PTPRM: variants seen among roughly 807,000 people sequenced by gnomAD.
The protein encoded by PTPRM is protein tyrosine phosphatase receptor type M, also known as receptor-type tyrosine-protein phosphatase mu.
In PTPRM, 47 loss-of-function variants were observed where a neutral mutation model predicts 186.7. The ratio of observed to expected loss-of-function variants is 0.25; its 90% CI spans 0.20 to 0.32. PTPRM has a LOEUF of 0.32. Ranked by LOEUF, PTPRM falls within the 10% of genes least tolerant of loss-of-function variation. The probability of loss-of-function intolerance (pLI) is 1.00; values close to 1 mark genes in which losing one functional copy is unlikely to be tolerated. For missense variants in PTPRM, 1,494 were observed against 1,865.0 expected (o/e 0.80, Z 3.66); for synonymous variants, 668 against 674.9 (o/e 0.99, Z 0.16).
intron 19 of PTPRM, among the ~76,000 whole-genome samples, chr18:8,262,195 A>G (rs1437885100): frequency 1.2e-4 from 18 of 151,852 alleles, no homozygotes. Flanking sequence ...CCCCTCCCCT[A>G]GGGCCTGCCC....
In PTPRM at chr18:7,898,801, A is replaced by G. The variant is rs532977410; in HGVS notation, c.469-7704A>G. 3.9e-5 allele frequency among the ~76,000 whole-genome samples: 6 copies of G among 152,342 alleles called. No homozygotes were observed. In the South Asian group the frequency reaches 6.2e-4, roughly 16 times the overall value. On this transcript the variant is annotated intron_variant, in intron 3 of 32. Transcript: ENST00000580170. The stretch of plus-strand genomic sequence containing the variant: ...GAAATGGAGACTCAGAGTGAACCAC[A>G]TCACATGAATAGAGTTGATTCTCGA...
At chr18:8,084,705 A>G (rs968635342) in intron 9 of PTPRM, among the ~76,000 whole-genome samples, 2 of 152,312 alleles carry the variant, frequency 1.3e-5, no homozygotes, top group Non-Finnish European at 2.9e-5. Flanking sequence ...CAGTTTTGCA[A>G]TTTAAAACTT....
In PTPRM at chr18:7,949,255, T is replaced by C. The variant is rs778472653; in HGVS notation, c.738T>C (p.Asn246=). The C allele has an allele frequency of 1.9e-6, 3 of 1,613,154 alleles. No homozygotes were observed. Among genetic ancestry groups the C allele is most frequent in the East Asian group, 2.2e-5 (1 of 44,882 alleles). The change falls in exon 6 of 33, where the codon AAT becomes AAC. Residue 246 remains asparagine, a synonymous_variant. Transcript: ENST00000580170. ...TSSRRFIASF[N]VVNTTKRDAG... ...CCCGACGCTTCATTGCTTCATTTAA[T>C]GTTGTGAATACCACCAAACGAGATG...
chr18:8,036,637 A>C (rs1057279711), intron 7 of PTPRM, among the ~76,000 whole-genome samples: 2 of 152,202 alleles, frequency 1.3e-5, no homozygotes, highest in Middle Eastern at 3.2e-3. Flanking sequence ...ATTAAAAGTT[A>C]TGCTTTCTCA....
intron 2 of PTPRM, among the ~76,000 whole-genome samples, chr18:7,857,140 A>T (rs1223473701): frequency 6.6e-6 from 1 of 152,088 alleles, no homozygotes; most frequent in African/African-American, 2.4e-5. Flanking sequence ...AAATCAGTAG[A>T]TGGTCTCTGA....
intron 2 of PTPRM, among the ~76,000 whole-genome samples, chr18:7,844,545 G>A (rs2046500074): frequency 6.6e-6 from 1 of 152,158 alleles, no homozygotes; most frequent in Admixed American, 6.5e-5. Context: ...TTCAGGAAGG[G>A]TGGAAACAGA....
intron 7 of PTPRM, among the ~76,000 whole-genome samples, chr18:7,983,028 T>G (rs2082641971): frequency 6.6e-6 from 1 of 152,116 alleles, no homozygotes; most frequent in South Asian, 2.1e-4. Context: ...CATGTCTTTT[T>G]AGTGCTGTTC....
intron 7 of PTPRM, among the ~76,000 whole-genome samples, chr18:8,041,644 C>T (rs2086698776): frequency 6.6e-6 from 1 of 152,146 alleles, no homozygotes; most frequent in Admixed American, 6.6e-5. Context: ...GATTCAAAGT[C>T]CCCACAGTAG....
At chr18:7,850,583 G>A (rs1435726599) in intron 2 of PTPRM, among the ~76,000 whole-genome samples, 1 of 152,192 alleles carries the variant, frequency 6.6e-6, no homozygotes, top group South Asian at 2.1e-4. Context: ...AGGAGCTCTG[G>A]AAAATAGCTC....
chr18:8,271,238 A>C (rs1035122504), intron 19 of PTPRM, among the ~76,000 whole-genome samples: 3 of 151,932 alleles, frequency 2.0e-5, no homozygotes, highest in African/African-American at 7.2e-5. Context: ...CCTTTTTAGC[A>C]TTTTTTGAGA....
chr18:8,206,232 C>T (rs2093926429), intron 14 of PTPRM, among the ~76,000 whole-genome samples: 1 of 122,294 alleles, frequency 8.2e-6, no homozygotes, highest in Admixed American at 8.9e-5. Flanking sequence ...CACAAAAAGA[C>T]TTTATCAAGG....
Position 7,691,136 on chromosome 18 carries a change from C to G in PTPRM, c.74-83013C>G, listed in dbSNP as rs533527669. 1.1e-4 allele frequency among the ~76,000 whole-genome samples: 17 copies of G among 151,556 alleles called. No individual in the cohort carries two copies. In the South Asian group the frequency reaches 3.6e-3, roughly 32 times the overall value. On this transcript the variant is annotated intron_variant, in intron 1 of 32. Coordinates refer to ENST00000580170, the MANE Select transcript of PTPRM (RefSeq NM_001105244.2). ...TTTTATTTTTTTTTATTTTTAAGAC[C>G]TTGCATTATTCTAACCAACTTCTTT... is the stretch of plus-strand genomic sequence containing the variant.
At chr18:8,395,210 T>A (rs1401117930) in intron 32 of PTPRM, among the ~76,000 whole-genome samples, 1 of 151,368 alleles carries the variant, frequency 6.6e-6, no homozygotes, top group Non-Finnish European at 1.5e-5. Context: ...GCTTTTAGAT[T>A]AGGTTTTTGC....
intron 20 of PTPRM, among the ~76,000 whole-genome samples, chr18:8,312,420 G>T (rs1480352820): frequency 6.6e-6 from 1 of 152,140 alleles, no homozygotes; most frequent in East Asian, 1.9e-4. Flanking sequence ...GACTGCCGGT[G>T]AGTCTGTTCC....
intron 1 of PTPRM, among the ~76,000 whole-genome samples, chr18:7,600,614 G>A (rs2037377414): frequency 6.6e-6 from 1 of 152,088 alleles, no homozygotes; most frequent in African/African-American, 2.4e-5. Context: ...GTCTCTACCC[G>A]CTCCCCTCCC....
chr18:8,401,732 C>T (rs1438087760), intron 32 of PTPRM, among the ~76,000 whole-genome samples: 2 of 152,256 alleles, frequency 1.3e-5, no homozygotes, highest in Non-Finnish European at 2.9e-5. Context: ...CCCCCAGTGC[C>T]GCCCGCTGGT....
chr18:8,031,986 G>A (rs1158613002), intron 7 of PTPRM, among the ~76,000 whole-genome samples: 2 of 152,146 alleles, frequency 1.3e-5, no homozygotes, highest in African/African-American at 4.8e-5. Flanking sequence ...CAGTATTAGG[G>A]AACTATTTGT....
At chr18:7,837,022 T>C (rs980049562) in intron 2 of PTPRM, among the ~76,000 whole-genome samples, 1 of 152,194 alleles carries the variant, frequency 6.6e-6, no homozygotes, top group Non-Finnish European at 1.5e-5. Flanking sequence ...GATAGTGATA[T>C]CTTTCTCTAA....
rs140854853 is a variant in PTPRM at position 8,262,096 on chromosome 18, A to T, written c.2754+8682A>T. On this transcript the variant is annotated intron_variant, in intron 19 of 32. Coordinates refer to ENST00000580170, the MANE Select transcript of PTPRM (RefSeq NM_001105244.2). ...TCAAACTAGATATTTCACGGTTGCC[A>T]TTGCCCCTGCCGCTCCCTCATTTCC... Among the ~76,000 whole-genome samples, 390 of 152,048 alleles carry T rather than the reference A, an allele frequency of 2.6e-3. 1 individual carries two copies. The highest frequency in any genetic ancestry group is 7.9e-3 in the African/African-American group (328 of 41,496).
Sources: gnomAD v4.1 joint callset for allele counts (sites outside exome capture counted in the v4.1 genomes callset) on GRCh38, gnomAD v4.1.1 for gene constraint, MANE v1.5 for transcripts, NCBI Gene and HGNC (gene_info 2026-07-23, HGNC 2026-07-21) for gene names.